Variants in HDAC9 observed in about 807,000 individuals in gnomAD.
HDAC9 encodes histone deacetylase 9.
A neutral mutation model predicts 139.4 loss-of-function variants in HDAC9; 41 were observed. That is an observed-to-expected ratio of 0.29 (90% CI 0.23 to 0.38). The LOEUF is 0.38. Ranked by LOEUF, HDAC9 falls within the 10% of genes least tolerant of loss-of-function variation. HDAC9 has a pLI of 1.00. For synonymous variants in HDAC9, 517 were observed against 476.2 expected (o/e 1.09, Z -1.12); for missense variants, 1,147 against 1,297.0 (o/e 0.88, Z 1.78).
chr7:18,817,990 C>G (rs1794696928), intron 17 of HDAC9, among the ~76,000 whole-genome samples: 1 of 152,142 alleles, frequency 6.6e-6, no homozygotes, highest in Non-Finnish European at 1.5e-5. Context: ...ATTGATAATG[C>G]ATCGATATGA....
intron 17 of HDAC9, among the ~76,000 whole-genome samples, chr7:18,795,700 A>C (rs1792739881): frequency 1.3e-5 from 2 of 152,164 alleles, no homozygotes; most frequent in African/African-American, 4.8e-5. Flanking sequence ...AAGGCTACAG[A>C]GATGCCATGG....
chr7:18,113,445 T>C (rs931350477), intron 1 of HDAC9, among the ~76,000 whole-genome samples: 3 of 152,242 alleles, frequency 2.0e-5, no homozygotes, highest in Admixed American at 6.5e-5. Context: ...AATGTAATGC[T>C]ACATTTCCAT....
At chr7:18,959,588 C>T (rs1050437124) in intron 24 of HDAC9, among the ~76,000 whole-genome samples, 2 of 152,138 alleles carry the variant, frequency 1.3e-5, no homozygotes, top group African/African-American at 2.4e-5. Context: ...CGAATTCCAT[C>T]GTAATCTTCT....
chr7:18,645,200 C>A (rs1194631799), intron 9 of HDAC9, among the ~76,000 whole-genome samples: 2 of 152,044 alleles, frequency 1.3e-5, no homozygotes, highest in African/African-American at 4.8e-5. Flanking sequence ...GGAACACAAG[C>A]CAGGGCAGTG....
chr7:18,732,486 T>C (rs1237220066), intron 13 of HDAC9, among the ~76,000 whole-genome samples: 30 of 151,376 alleles, frequency 2.0e-4, no homozygotes, highest in South Asian at 4.2e-4. Context: ...ACAGTGTATA[T>C]ATGTGTATAT....
chr7:18,737,746 G>T (rs1032756390), intron 13 of HDAC9, among the ~76,000 whole-genome samples: 2 of 152,174 alleles, frequency 1.3e-5, no homozygotes, highest in African/African-American at 4.8e-5. Flanking sequence ...TTGATTTGGG[G>T]TGGAGAGTTC....
chr7:18,956,688 C>A (rs980901740), intron 24 of HDAC9, among the ~76,000 whole-genome samples: 1 of 152,144 alleles, frequency 6.6e-6, no homozygotes, highest in African/African-American at 2.4e-5. Context: ...TGAATCTTTG[C>A]CACCAGATAC....
At chr7:18,821,839 AC>A (rs1430462378) in intron 17 of HDAC9, among the ~76,000 whole-genome samples, 2 of 152,076 alleles carry the variant, frequency 1.3e-5, no homozygotes, top group Non-Finnish European at 2.9e-5. Context: ...TGTTATTACA[AC>A]CCCCTCTTTG....
intron 1 of HDAC9, among the ~76,000 whole-genome samples, chr7:18,478,994 C>T (rs1435446966): frequency 6.6e-6 from 1 of 151,858 alleles, no homozygotes; most frequent in Admixed American, 6.6e-5. Context: ...ATTTTTTAAC[C>T]ATTATTAATA....
At chr7:18,869,791 C>T (rs1798777780) in intron 21 of HDAC9, among the ~76,000 whole-genome samples, 1 of 152,062 alleles carries the variant, frequency 6.6e-6, no homozygotes, top group South Asian at 2.1e-4. Context: ...GAGAGTTTTC[C>T]TGACACAGGC....
intron 12 of HDAC9, among the ~76,000 whole-genome samples, chr7:18,685,933 T>C (rs1782237568): frequency 6.6e-6 from 1 of 151,976 alleles, no homozygotes; most frequent in African/African-American, 2.4e-5. Flanking sequence ...TGAAAGGTAG[T>C]AGGGATTGAA....
At chr7:18,789,918 A>G (rs946793236) in intron 16 of HDAC9, among the ~76,000 whole-genome samples, 5 of 152,186 alleles carry the variant, frequency 3.3e-5, no homozygotes, top group Non-Finnish European at 7.3e-5. Context: ...TCTTGATGCT[A>G]TCACTAATAT....
At position 18,449,670 on chromosome 7, in the gene HDAC9, T is replaced by C. The variant is rs112858115; in HGVS notation, c.-41-46592T>C. Reference sequence around the variant, plus strand: ...TTCCCCACCATGGCTCTTCCACCCTTCACAAAAAATACTTTCTCCATTAAA... The same window carrying C: ...TTCCCCACCATGGCTCTTCCACCCTCCACAAAAAATACTTTCTCCATTAAA... On this transcript the variant is annotated intron_variant, in intron 1 of 3. Coordinates refer to the HDAC9 transcript ENST00000413509. Among the ~76,000 whole-genome samples the C allele has an allele frequency of 7.7e-3, 1,169 of 152,204 alleles. 16 individuals are homozygous for C. Among genetic ancestry groups the C allele is most frequent in the African/African-American group, 0.027 (1,106 of 41,556 alleles).
intron 1 of HDAC9, among the ~76,000 whole-genome samples, chr7:18,306,171 G>A (rs1432174994): frequency 1.3e-5 from 2 of 152,184 alleles, no homozygotes; most frequent in Non-Finnish European, 2.9e-5. Flanking sequence ...GGAAATCTCT[G>A]TACAACAGGC....
At position 18,444,704 on chromosome 7, in the gene HDAC9, G is replaced by A. The variant is rs7792954; in HGVS notation, c.-41-51558G>A. Among the ~76,000 whole-genome samples the A allele has an allele frequency of 2.7e-3, 412 of 152,168 alleles. 2 individuals are homozygous for A. The highest frequency in any genetic ancestry group is 8.9e-3 in the African/African-American group (369 of 41,522). On this transcript the variant is annotated intron_variant, in intron 1 of 3. Transcript: ENST00000413509. ...TACGCCCAAAGGAGGCATGAATACC[G>A]AAATAAAAAAGTGCCAATGTTAAGA...
At chr7:18,666,600 T>A in intron 12 of HDAC9, 124 bp downstream of exon 12, 1 of 1,488,758 alleles carries the variant, frequency 6.7e-7, no homozygotes, top group Non-Finnish European at 9.0e-7. Context: ...TGATTTGAGT[T>A]CAGTGTTTAA....
At chr7:18,422,661 T>C (rs2128753135) in intron 1 of HDAC9, among the ~76,000 whole-genome samples, 1 of 151,548 alleles carries the variant, frequency 6.6e-6, no homozygotes, top group Non-Finnish European at 1.5e-5. Flanking sequence ...AAGGAAGGAA[T>C]CACTGTGGGG....
intron 1 of HDAC9, among the ~76,000 whole-genome samples, chr7:18,115,024 G>A (rs1281964417): frequency 1.3e-5 from 2 of 152,190 alleles, no homozygotes; most frequent in Non-Finnish European, 2.9e-5. Context: ...GGGCACAGTG[G>A]CTCATGCCTG....
intron 1 of HDAC9, among the ~76,000 whole-genome samples, chr7:18,310,500 A>G (rs1036897696): frequency 1.3e-5 from 2 of 152,186 alleles, no homozygotes; most frequent in African/African-American, 4.8e-5. Context: ...ACACATGTAC[A>G]AATCAGAAAT....
Sources: allele counts gnomAD v4.1 joint callset (sites outside exome capture counted in the v4.1 genomes callset), GRCh38; gene constraint gnomAD v4.1.1; transcripts MANE v1.5; gene names NCBI Gene and HGNC (gene_info 2026-07-23, HGNC 2026-07-21).